The following SRP54 variants were observed in gnomAD, a reference collection of about 807,000 sequenced individuals.
The protein encoded by SRP54 is signal recognition particle 54.
A neutral mutation model predicts 64.8 loss-of-function variants in SRP54; 10 were observed. The ratio of observed to expected loss-of-function variants is 0.15; its 90% confidence interval spans 0.10 to 0.26. The LOEUF is 0.26. SRP54 is among the 10% of genes least tolerant of loss of function. The pLI, the probability that SRP54 is intolerant of heterozygous loss-of-function variation, is 1.00. For missense variants in SRP54, 325 were observed against 613.7 expected (o/e 0.53, Z 4.97); for synonymous variants, 193 against 185.6 (o/e 1.04, Z -0.32).
Position 35,026,166 on chromosome 14 carries a change from CTGT to C in SRP54, c.1328-1914_1328-1912del, listed in dbSNP as rs368185653. Reference sequence around the variant, plus strand: ...TGTCTAAAGGGTGTTTTTATCTATTCTGTTGTTGTTTTTTTATTTATTGTTGTT... The same window carrying C: ...TGTCTAAAGGGTGTTTTTATCTATTCTGTTGTTTTTTTATTTATTGTTGTT... On this transcript the variant is annotated intron_variant, in intron 14 of 15. Coordinates refer to ENST00000216774, the MANE Select transcript of SRP54 (RefSeq NM_003136.4). Among the ~76,000 whole-genome samples the C allele has an allele frequency of 2.0e-3, 180 of 88,018 alleles. 1 individual carries two copies. The highest frequency in any genetic ancestry group is 4.9e-3 in the African/African-American group (133 of 27,302). 57.7% of individuals were successfully genotyped at this position (88,018 alleles called of 152,430 possible).
In SRP54 at chr14:34,999,647, T is replaced by G. The variant is rs1181124447; in HGVS notation, c.168T>G (p.Val56=). ...IKLVKQLREN[V]KSAIDLEEMA... is the part of the protein sequence containing the mutation. The stretch of plus-strand genomic sequence containing the variant: ...TAGTGAAGCAACTAAGAGAAAATGT[T>G]AAGTAAGTTAAATCAATCAGGTAAA... The change falls in exon 3 of 16, where the codon GTT becomes GTG. Residue 56 remains valine, a splice_region_variant and synonymous_variant. Coordinates refer to ENST00000216774, the MANE Select transcript of SRP54 (RefSeq NM_003136.4). 6.2e-7 allele frequency: 1 copy of G among 1,605,794 alleles called. No homozygotes were observed. Among genetic ancestry groups the G allele is most frequent in the Admixed American group, 1.7e-5 (1 of 59,934 alleles).
At chr14:35,005,710 C>A (rs2138992756) in intron 4 of SRP54, among the ~76,000 whole-genome samples, 1 of 152,276 alleles carries the variant, frequency 6.6e-6, no homozygotes, top group South Asian at 2.1e-4. Context: ...TCCATTGAAA[C>A]TTTATTTGCA....
chr14:35,022,816 C>A, intron 13 of SRP54, 94 bp from the exon 14 acceptor site: 1 of 999,190 alleles, frequency 1.0e-6, no homozygotes, highest in Non-Finnish European at 1.4e-6. Context: ...AAAACATCTG[C>A]TAAGCTCTTT....
chr14:35,020,156 G>T (rs529066301), intron 13 of SRP54, among the ~76,000 whole-genome samples: 1 of 152,176 alleles, frequency 6.6e-6, no homozygotes, highest in African/African-American at 2.4e-5. Flanking sequence ...TTGCACTCCA[G>T]CCTGGGCGAC....
At chr14:35,012,940 A>G (rs1402308804) in intron 8 of SRP54, among the ~76,000 whole-genome samples, 2 of 113,830 alleles carry the variant, frequency 1.8e-5, no homozygotes, top group African/African-American at 3.1e-5. Context: ...TAAATGTTGT[A>G]GTTTTTTTTT....
chr14:34,996,829 T>A, intron 2 of SRP54, 42 bp downstream of exon 2: 1 of 1,325,814 alleles, frequency 7.5e-7, no homozygotes. Flanking sequence ...TTGTATATTG[T>A]CACTAGCATT....
At chr14:34,998,666 A>G (rs923573428) in intron 2 of SRP54, among the ~76,000 whole-genome samples, 3 of 151,954 alleles carry the variant, frequency 2.0e-5, no homozygotes, top group African/African-American at 7.2e-5. Flanking sequence ...ACAAAAAATT[A>G]GCTGGGCGTG....
At chr14:35,022,393 G>T (rs1478592110) in intron 13 of SRP54, among the ~76,000 whole-genome samples, 1 of 150,528 alleles carries the variant, frequency 6.6e-6, no homozygotes, top group Non-Finnish European at 1.5e-5. Context: ...GTCTCGCTCT[G>T]TCGCCCAGGC....
intron 11 of SRP54, 138 bp from the exon 12 acceptor site, chr14:35,018,554 A>G (rs1595010048): frequency 1.5e-6 from 1 of 671,346 alleles, no homozygotes; most frequent in East Asian, 2.8e-5. Flanking sequence ...TGCACATGGT[A>G]ACTGCTTGGT....
At chr14:35,000,806 A>G (rs931482939) in intron 3 of SRP54, 130 bp from the exon 4 acceptor site, 4 of 434,734 alleles carry the variant, frequency 9.2e-6, no homozygotes, top group African/African-American at 2.0e-5. Flanking sequence ...AATTACATGC[A>G]TGTTAATTGG....
chr14:35,021,502 G>A (rs896861841), intron 13 of SRP54, among the ~76,000 whole-genome samples: 10 of 152,108 alleles, frequency 6.6e-5, no homozygotes, highest in Admixed American at 1.3e-4. Flanking sequence ...CTGTGGTGGC[G>A]TGTGCCTATA....
chr14:35,011,651 A>G lies in SRP54; in HGVS notation c.628A>G (p.Asn210Asp). 6.4e-7 allele frequency: 1 copy of G among 1,563,904 alleles called. No individual in the cohort carries two copies. The change falls in exon 8 of 16, where the codon AAT (asparagine) becomes GAT (aspartate). Residue 210 changes from asparagine to aspartate, a missense_variant. Asn to Asp is a conservative substitution (Grantham distance 23). This residue lies in a region of SRP54 where 156 missense variants were observed against 254.6 expected (regional missense o/e 0.61). Transcript: ENST00000216774. ...SLFEEMLQVA[N>D]AIQPDNIVYV... ...GTTTGAAGAAATGCTTCAAGTTGCT[A>G]ATGCTATAGTAAGTAGCTTTCAATG...
chr14:34,984,825 T>C (rs1299823333), intron 1 of SRP54, among the ~76,000 whole-genome samples: 1 of 151,820 alleles, frequency 6.6e-6, no homozygotes, highest in African/African-American at 2.4e-5. Context: ...TTAGCCTCCA[T>C]CTCATGAGTT....
intron 4 of SRP54, among the ~76,000 whole-genome samples, chr14:35,006,310 A>G (rs1162419799): frequency 6.6e-6 from 1 of 152,222 alleles, no homozygotes; most frequent in East Asian, 1.9e-4. Flanking sequence ...AATCTTTCAC[A>G]TATAATCTGT....
Position 35,013,836 on chromosome 14 carries a change from G to A in SRP54, c.820G>A (p.Gly274Ser). ...CACAAAAAGTCCGATTATTTTCATT[G>A]GTACAGGGGAACATATAGATGACTT... is the stretch of plus-strand genomic sequence containing the variant. ...AATKSPIIFI[G>S]TGEHIDDFEP... Residue 274 changes from glycine (G) to serine (S), a missense_variant, in exon 10 of 16, where the codon GGT (glycine) becomes AGT (serine). Gly to Ser is a moderately conservative substitution (Grantham distance 56, BLOSUM62 0). Transcript: ENST00000216774. 6.2e-7 allele frequency: 1 copy of A among 1,611,278 alleles called. No homozygotes were observed. Among genetic ancestry groups the A allele is most frequent in the Non-Finnish European group, 8.5e-7 (1 of 1,179,112 alleles).
intron 14 of SRP54, among the ~76,000 whole-genome samples, chr14:35,026,884 A>G (rs2044636062): frequency 6.6e-6 from 1 of 152,084 alleles, no homozygotes; most frequent in Non-Finnish European, 1.5e-5. Context: ...CGGGGGTTGC[A>G]GTGGGCTGAG....
intron 4 of SRP54, among the ~76,000 whole-genome samples, chr14:35,005,987 C>T (rs1033122038): frequency 3.9e-5 from 6 of 152,130 alleles, no homozygotes; most frequent in Non-Finnish European, 7.3e-5. Context: ...CTACAGGCGC[C>T]TGCCACCACG....
At chr14:34,987,286 T>TATACAC (rs1380238201) in intron 1 of SRP54, among the ~76,000 whole-genome samples, 1 of 100,096 alleles carries the variant, frequency 1.0e-5, no homozygotes. Flanking sequence ...TATATATATA[T>TATACAC]ACACACACAC....
intron 4 of SRP54, among the ~76,000 whole-genome samples, chr14:35,001,391 T>TC (rs1214899905): frequency 6.6e-6 from 1 of 152,124 alleles, no homozygotes; most frequent in African/African-American, 2.4e-5. Context: ...CCTCAGGCGA[T>TC]CCGCCCGCTT....
Sources: allele counts gnomAD v4.1 joint callset (sites outside exome capture counted in the v4.1 genomes callset), GRCh38; gene constraint gnomAD v4.1.1; regional missense constraint gnomAD v4.1.1; transcripts MANE v1.5; gene names NCBI Gene and HGNC (gene_info 2026-07-23, HGNC 2026-07-21).